OCA2: variants seen among roughly 807,000 people sequenced by gnomAD.
OCA2 encodes the protein OCA2 melanosomal transmembrane protein.
In OCA2, 77 loss-of-function variants were observed where a neutral mutation model predicts 100.2. That is an observed-to-expected ratio of 0.77 (90% confidence interval 0.64 to 0.93). The LOEUF (loss-of-function observed/expected upper bound fraction) is 0.93, where lower values mean the gene tolerates loss of function less well. Ranked by LOEUF, OCA2 falls within the 40% of genes least tolerant of loss-of-function variation. The pLI, the probability that OCA2 is intolerant of heterozygous loss-of-function variation, is 0.00. For synonymous variants in OCA2, 432 were observed against 439.2 expected, an observed-to-expected ratio of 0.98 and a Z score of 0.21; for missense variants, 1,062 against 1,089.1, an observed-to-expected ratio of 0.98 and a Z score of 0.35.
the OCA2 span, among the ~76,000 whole-genome samples, chr15:27,734,286 C>CAAAAAAAAAAAAA: frequency 2.6e-5 from 2 of 76,380 alleles, no homozygotes; most frequent in Non-Finnish European, 5.2e-5. Context: ...TTTTCAAGAG[C>CAAAAAAAAAAAAA]AAAAAAAAAA....
intron 2 of OCA2, among the ~76,000 whole-genome samples, chr15:28,033,347 C>T (rs1463438941): frequency 1.3e-5 from 2 of 152,178 alleles, no homozygotes; most frequent in Admixed American, 1.3e-4. Flanking sequence ...AGGGAAATAA[C>T]AGTAATTCTT....
intron 21 of OCA2, among the ~76,000 whole-genome samples, chr15:27,861,662 G>C (rs1384853354): frequency 2.0e-5 from 3 of 152,120 alleles, no homozygotes; most frequent in Non-Finnish European, 2.9e-5. Flanking sequence ...TCTCGAGGGC[G>C]GGCACTAGTC....
At chr15:27,735,758 C>CA in the OCA2 span, among the ~76,000 whole-genome samples, 3 of 151,920 alleles carry the variant, frequency 2.0e-5, no homozygotes, top group African/African-American at 4.8e-5. Context: ...AAAAACAAAA[C>CA]AAAAAACCTG....
intron 19 of OCA2, among the ~76,000 whole-genome samples, chr15:27,915,853 C>T (rs533937044): frequency 1.8e-4 from 28 of 151,972 alleles, no homozygotes; most frequent in Non-Finnish European, 4.1e-4. Context: ...GTATATGTAC[C>T]CAAAGGAATA....
chr15:28,080,357 C>G (rs181621278), intron 2 of OCA2, among the ~76,000 whole-genome samples: 14 of 152,270 alleles, frequency 9.2e-5, no homozygotes, highest in African/African-American at 3.1e-4. Flanking sequence ...GGATGAGGAG[C>G]AGAAACTGAA....
chr15:27,893,360 T>C (rs561681631), intron 19 of OCA2, among the ~76,000 whole-genome samples: 2 of 152,264 alleles, frequency 1.3e-5, no homozygotes, highest in African/African-American at 4.8e-5. Context: ...GTTTGAACAA[T>C]ATGAAATCAG....
chr15:27,955,515 A>G (rs2040193895), intron 16 of OCA2, among the ~76,000 whole-genome samples: 1 of 152,214 alleles, frequency 6.6e-6, no homozygotes, highest in African/African-American at 2.4e-5. Flanking sequence ...TGCGTGGAGG[A>G]GGGCAGCGAC....
At chr15:27,962,856 G>A (rs1305347944) in intron 15 of OCA2, among the ~76,000 whole-genome samples, 1 of 152,078 alleles carries the variant, frequency 6.6e-6, no homozygotes, top group Non-Finnish European at 1.5e-5. Context: ...GACTATCAGA[G>A]TAGATAAAAA....
chr15:28,023,790 C>G (rs577002138), intron 5 of OCA2, among the ~76,000 whole-genome samples: 108 of 152,236 alleles, frequency 7.1e-4, no homozygotes, highest in Non-Finnish European at 4.4e-5. Context: ...ACAACCTACA[C>G]AGCTCACACA....
intron 23 of OCA2, among the ~76,000 whole-genome samples, chr15:27,827,848 A>G (rs1051788403): frequency 4.6e-5 from 7 of 152,186 alleles, no homozygotes; most frequent in Non-Finnish European, 8.8e-5. Context: ...ATTATTTTCC[A>G]TCCATGTTTT....
chr15:27,958,311 C>T (rs1354969008), intron 15 of OCA2, among the ~76,000 whole-genome samples: 1 of 152,246 alleles, frequency 6.6e-6, no homozygotes, highest in African/African-American at 2.4e-5. Context: ...AACATTTCCC[C>T]TTCTTGCAGG....
At chr15:27,747,033 C>T in the OCA2 span, among the ~76,000 whole-genome samples, 3 of 152,192 alleles carry the variant, frequency 2.0e-5, no homozygotes, top group Non-Finnish European at 4.4e-5. Flanking sequence ...ACTTATCACT[C>T]CTAAATGTAT....
At position 28,081,749 on chromosome 15, in the gene OCA2, G is replaced by A. The variant is rs141135991; in HGVS notation, c.126C>T (p.Ala42=). 963 of 1,613,396 alleles carry A rather than the reference G, an allele frequency of 6.0e-4. 4 individuals carry two copies. The African/African-American group carries it at 0.011, about 19-fold the overall frequency. Residue 42 remains alanine, a synonymous_variant, in exon 2 of 24, where the codon GCC becomes GCT. Transcript: ENST00000354638. The part of the protein sequence containing the change: ...VAGKRRLPRG[A]GGADPSHSCP... ...AGGAGTGCGAGGGGTCAGCTCCACC[G>A]GCTCCCCGAGGAAGCCTGCGCTTGC... is the stretch of plus-strand genomic sequence containing the variant.
chr15:28,031,922 G>C (rs2042916460), intron 3 of OCA2, 143 bp downstream of exon 3: 1 of 733,108 alleles, frequency 1.4e-6, no homozygotes, highest in East Asian at 2.5e-5. Flanking sequence ...CCGGAATCAT[G>C]AACATCTACT....
rs535029485 is a variant in OCA2 at position 27,896,993 on chromosome 15, A to T, written c.2080-25071T>A. 2.6e-5 allele frequency among the ~76,000 whole-genome samples: 4 copies of T among 152,264 alleles called. No homozygotes were observed. The East Asian group carries it at 7.7e-4, about 29-fold the overall frequency. Reference sequence around the variant, plus strand: ...ATTACGAGGTCAGGAGATCCAGATCATCCTGGCTAACACAGTGAAACCCTG... The same window carrying T: ...ATTACGAGGTCAGGAGATCCAGATCTTCCTGGCTAACACAGTGAAACCCTG... On this transcript the variant is annotated intron_variant, in intron 19 of 23. Transcript: ENST00000354638.
intron 18 of OCA2, among the ~76,000 whole-genome samples, chr15:27,941,975 T>C (rs2039664031): frequency 6.6e-6 from 1 of 152,132 alleles, no homozygotes; most frequent in East Asian, 1.9e-4. Flanking sequence ...TCACGCCTGG[T>C]ATGATGAGCA....
At chr15:27,775,759 G>T (rs576577767) in intron 23 of OCA2, 1 of 152,378 alleles carries the variant, frequency 6.6e-6, no homozygotes, top group African/African-American at 2.4e-5. Flanking sequence ...TTCCTTGGCC[G>T]TCTTCTCCCT....
At position 27,770,871 on chromosome 15, in the gene OCA2, C is replaced by CATCCCCTTT. The variant is rs2031734998; in HGVS notation, c.2433-15400_2433-15399insAAAGGGGAT. 1.5e-3 allele frequency among the ~76,000 whole-genome samples: 180 copies of CATCCCCTTT among 116,708 alleles called. 3 individuals are homozygous for CATCCCCTTT. The highest frequency in any genetic ancestry group is 6.0e-3 in the African/African-American group (168 of 27,834). The allele number at this position is 116,708 out of a possible 152,430, so 76.6% of individuals were successfully genotyped here. Reference sequence around the variant, plus strand: ...CTTCCTTCCTTTCTTCCTTCCTTCCCTCCTTCCTTTGCTCCTTCCCATCTC... The same window carrying CATCCCCTTT: ...CTTCCTTCCTTTCTTCCTTCCTTCCCATCCCCTTTTCCTTCCTTTGCTCCTTCCCATCTC... On this transcript the variant is annotated intron_variant, in intron 23 of 23. Transcript: ENST00000354638.
At chr15:27,873,324 C>T (rs2036660189) in intron 19 of OCA2, among the ~76,000 whole-genome samples, 1 of 152,238 alleles carries the variant, frequency 6.6e-6, no homozygotes, top group Non-Finnish European at 1.5e-5. Context: ...GACACAGCCA[C>T]TGTCCTCTGG....
Sources: gnomAD v4.1 joint callset for allele counts (sites outside exome capture counted in the v4.1 genomes callset) on GRCh38, gnomAD v4.1.1 for gene constraint, MANE v1.5 for transcripts, NCBI Gene and HGNC (gene_info 2026-07-23, HGNC 2026-07-21) for gene names.